VRK2: variants seen among roughly 807,000 people sequenced by gnomAD.
VRK2 encodes the protein VRK serine/threonine kinase 2, also known as serine/threonine-protein kinase VRK2.
A neutral mutation model predicts 57.6 loss-of-function variants in VRK2; 60 were observed. The observed-to-expected ratio is 1.04, with a 90% CI of 0.85 to 1.29. The LOEUF (loss-of-function observed/expected upper bound fraction) is 1.29, where lower values mean the gene tolerates loss of function less well. Ranked by LOEUF, VRK2 falls within the 50% of genes most tolerant of loss-of-function variation. The pLI is 0.00. For missense variants in VRK2, 705 were observed against 588.1 expected (o/e 1.20, Z -2.06); for synonymous variants, 231 against 199.2 (o/e 1.16, Z -1.35).
At chr2:57,949,640 C>A (rs1050740655) in intron 1 of VRK2, among the ~76,000 whole-genome samples, 1 of 152,026 alleles carries the variant, frequency 6.6e-6, no homozygotes, top group Non-Finnish European at 1.5e-5. Context: ...TGAAATTATG[C>A]CAATTAATAA....
intron 2 of VRK2, among the ~76,000 whole-genome samples, chr2:58,054,144 G>C (rs1676166247): frequency 6.6e-6 from 1 of 152,074 alleles, no homozygotes; most frequent in Non-Finnish European, 1.5e-5. Flanking sequence ...GTTTAAGAAA[G>C]TTTGGGTTCC....
At chr2:57,990,988 G>C (rs1345936610) in intron 1 of VRK2, among the ~76,000 whole-genome samples, 2 of 151,840 alleles carry the variant, frequency 1.3e-5, no homozygotes, top group Non-Finnish European at 1.5e-5. Context: ...CATAGGGATA[G>C]ATGGGAAAAA....
Position 58,061,089 on chromosome 2 carries a change from TGGG to T in VRK2, c.136+12125_136+12127del, listed in dbSNP as rs3836115. 6.0e-3 allele frequency among the ~76,000 whole-genome samples: 917 copies of T among 151,750 alleles called. 12 individuals are homozygous for T. The highest frequency in any genetic ancestry group is 0.021 in the East Asian group (111 of 5,184). On this transcript the variant is annotated intron_variant, in intron 2 of 12. Coordinates refer to ENST00000340157, the MANE Select transcript of VRK2 (RefSeq NM_006296.7). ...AAAGCAAAACCAGTTTAGTAAAACT[TGGG>T]GGATTTTTTTTAAGAACTGTAAGTT...
At chr2:57,989,482 A>C (rs1672698283) in intron 1 of VRK2, among the ~76,000 whole-genome samples, 1 of 152,158 alleles carries the variant, frequency 6.6e-6, no homozygotes, top group Admixed American at 6.5e-5. Context: ...TTTTGTCTTT[A>C]ATTGGTGATC....
rs903854636 is a variant in VRK2, at chr2:58,159,197, A to ATCTT, written c.1183-150_1183-147dup. ...CTCTTAAAAAGTGTAAATCTTTAAGATCTTTACCTAAAAATTACTTCTCAG... is the reference window on the plus strand; with the variant it reads ...CTCTTAAAAAGTGTAAATCTTTAAGATCTTTCTTTACCTAAAAATTACTTCTCAG... On this transcript the variant is annotated intron_variant, in intron 12 of 12. Transcript: ENST00000340157. 2.4e-5 allele frequency: 14 copies of ATCTT among 578,018 alleles called. No individual in the cohort carries two copies. In the African/African-American group the frequency reaches 2.4e-4, roughly 10 times the overall value. The allele number at this position is 578,018 out of a possible 1,614,324, so 35.8% of individuals were successfully genotyped here.
At chr2:58,088,259 A>G (rs140589400) in intron 5 of VRK2, 82 bp from the exon 6 acceptor site, 82 of 998,466 alleles carry the variant, frequency 8.2e-5, no homozygotes, top group Non-Finnish European at 1.2e-4. Flanking sequence ...GTTGAGCGTA[A>G]TTTTTCTTGT....
intron 8 of VRK2, among the ~76,000 whole-genome samples, chr2:58,130,388 G>T (rs1289992483): frequency 2.0e-5 from 3 of 152,118 alleles, no homozygotes; most frequent in Non-Finnish European, 4.4e-5. Context: ...CTGTGGTAGA[G>T]ATTGTGTTTT....
intron 2 of VRK2, among the ~76,000 whole-genome samples, 162 bp from the exon 3 acceptor site, chr2:58,083,927 G>C (rs777478501): frequency 5.9e-5 from 9 of 151,814 alleles, no homozygotes; most frequent in Non-Finnish European, 1.0e-4. Flanking sequence ...GTAGCATCTT[G>C]TATAAAATGG....
chr2:58,081,151 T>C (rs960433829), intron 2 of VRK2, among the ~76,000 whole-genome samples: 1 of 152,010 alleles, frequency 6.6e-6, no homozygotes, highest in African/African-American at 2.4e-5. Flanking sequence ...CTTTTCTACA[T>C]ACACAAGAAT....
rs534135684 is a variant in VRK2, at chr2:58,023,452, TTG to T, written c.-438-2210_-438-2209del. On this transcript the variant is annotated intron_variant, in intron 1 of 15. Coordinates refer to the VRK2 transcript ENST00000417641. ...GGACCCTTTGGTTGCTTCTTGGCTT[TTG>T]TGAGTAATGTTGCTATGAACATCCG... is the stretch of plus-strand genomic sequence containing the variant. Among the ~76,000 whole-genome samples the T allele has an allele frequency of 7.2e-5, 11 of 152,332 alleles. 1 individual carries two copies. In the South Asian group the frequency reaches 2.3e-3, roughly 32 times the overall value.
intron 2 of VRK2, among the ~76,000 whole-genome samples, chr2:58,029,574 C>A (rs1285064893): frequency 1.3e-5 from 2 of 152,124 alleles, no homozygotes; most frequent in Non-Finnish European, 2.9e-5. Flanking sequence ...CTTGTGAGAT[C>A]TCTCTGTCTT....
chr2:58,059,349 CAAAT>C (rs973664694), intron 2 of VRK2, among the ~76,000 whole-genome samples: 7 of 151,886 alleles, frequency 4.6e-5, no homozygotes, highest in African/African-American at 1.7e-4. Context: ...TGTTTTGAGT[CAAAT>C]AAGCAACAGG....
At chr2:57,959,388 T>A (rs1671685606) in intron 1 of VRK2, among the ~76,000 whole-genome samples, 1 of 152,206 alleles carries the variant, frequency 6.6e-6, no homozygotes, top group Admixed American at 6.5e-5. Flanking sequence ...TTTTTTCTCT[T>A]TTTTTCCTTT....
chr2:57,919,191 G>T (rs940938230), intron 1 of VRK2, among the ~76,000 whole-genome samples: 1 of 152,000 alleles, frequency 6.6e-6, no homozygotes, highest in African/African-American at 2.4e-5. Flanking sequence ...TAGCCTAAAA[G>T]TAAGTATCAA....
At chr2:58,067,323 A>C (rs563851499) in intron 2 of VRK2, among the ~76,000 whole-genome samples, 4 of 152,256 alleles carry the variant, frequency 2.6e-5, no homozygotes, top group African/African-American at 9.6e-5. Context: ...GTGAATCCTT[A>C]ATACACTCCT....
chr2:58,123,838 G>C (rs544921437), intron 8 of VRK2, among the ~76,000 whole-genome samples: 2 of 150,946 alleles, frequency 1.3e-5, no homozygotes, highest in South Asian at 2.1e-4. Context: ...CTGGGCGACA[G>C]AGCAAGACCC....
At chr2:58,109,255 C>G (rs1197921175) in intron 7 of VRK2, among the ~76,000 whole-genome samples, 2 of 152,042 alleles carry the variant, frequency 1.3e-5, no homozygotes, top group Non-Finnish European at 2.9e-5. Flanking sequence ...ATGACATTAT[C>G]CCAGTCCCTC....
At chr2:58,137,821 T>C (rs1450775514) in intron 10 of VRK2, among the ~76,000 whole-genome samples, 1 of 152,230 alleles carries the variant, frequency 6.6e-6, no homozygotes, top group Non-Finnish European at 1.5e-5. Context: ...TTTTGCTTTA[T>C]AGTTCTGGCA....
At chr2:57,968,793 C>T (rs1165464627) in intron 1 of VRK2, among the ~76,000 whole-genome samples, 1 of 151,994 alleles carries the variant, frequency 6.6e-6, no homozygotes, top group Non-Finnish European at 1.5e-5. Flanking sequence ...AAGCCCAAAG[C>T]AATGTTGTTC....
Sources: allele counts gnomAD v4.1 joint callset (sites outside exome capture counted in the v4.1 genomes callset), GRCh38; gene constraint gnomAD v4.1.1; transcripts MANE v1.5; gene names NCBI Gene and HGNC (gene_info 2026-07-23, HGNC 2026-07-21).